SCD5: variants seen among roughly 807,000 people sequenced by gnomAD.
SCD5 encodes acyl-CoA-desaturase 4.
A neutral mutation model predicts 30.4 loss-of-function variants in SCD5; 20 were observed. That is an observed-to-expected ratio of 0.66 (90% confidence interval 0.46 to 0.96). The LOEUF (loss-of-function observed/expected upper bound fraction) is 0.96. Ranked by LOEUF, SCD5 falls within the 40% of genes least tolerant of loss-of-function variation. SCD5 has a pLI of 0.00. For missense variants in SCD5, 381 were observed against 443.3 expected, an observed-to-expected ratio of 0.86 and a Z score of 1.26; for synonymous variants, 173 against 176.4, an observed-to-expected ratio of 0.98 and a Z score of 0.16.
chr4:82,683,851 C>G (rs1198413223), intron 2 of SCD5, among the ~76,000 whole-genome samples: 3 of 152,218 alleles, frequency 2.0e-5, no homozygotes, highest in African/African-American at 7.2e-5. Context: ...TTCTCCTTCA[C>G]CTTCCACCGT....
In SCD5 at chr4:82,631,137, CG is replaced by C; in HGVS notation, c.*189del. The C allele has an allele frequency of 2.1e-6, 1 of 474,716 alleles. No individual in the cohort carries two copies. Among genetic ancestry groups the C allele is most frequent in the Non-Finnish European group, 3.6e-6 (1 of 281,000 alleles). The allele number at this position is 474,716 out of a possible 1,614,324, so 29.4% of individuals were successfully genotyped here. A position where few individuals can be genotyped will look rare whatever the true frequency, so the allele number is the denominator to read the frequency against. On this transcript the variant is annotated 3_prime_UTR_variant, in exon 5 of 5. Transcript: ENST00000319540. ...AAAACAAAACAAACAAAAAAAAAAA[CG>C]AAAGTTTTTTCATTGATAATTGTAT...
At chr4:82,745,321 C>A (rs1030713238) in intron 1 of SCD5, among the ~76,000 whole-genome samples, 7 of 152,194 alleles carry the variant, frequency 4.6e-5, no homozygotes, top group African/African-American at 1.7e-4. Context: ...ACTCAAAAGT[C>A]CACGTAACCA....
intron 1 of SCD5, among the ~76,000 whole-genome samples, chr4:82,738,294 C>G (rs1474498673): frequency 6.6e-6 from 1 of 151,942 alleles, no homozygotes; most frequent in African/African-American, 2.4e-5. Context: ...TGGTGGCGTG[C>G]GTCTGTGGTC....
In SCD5 at chr4:82,719,917, T is replaced by A. The variant is rs1343806531; in HGVS notation, c.233-14504A>T. Among the ~76,000 whole-genome samples the A allele has an allele frequency of 5.3e-5, 8 of 151,676 alleles. 1 individual carries two copies. The highest frequency in any genetic ancestry group is 2.0e-4 in the African/African-American group (8 of 40,992). On this transcript the variant is annotated intron_variant, in intron 1 of 4. Transcript: ENST00000319540. ...CCTGGGTTTAAGCGATTCTCATGCC[T>A]CAGCCTCCTGAGTAGCTAGGATTAC...
At chr4:82,631,553 A>C (rs1727293187) in intron 4 of SCD5, 36 bp from the exon 5 acceptor site, 1 of 1,599,710 alleles carries the variant, frequency 6.3e-7, no homozygotes, top group Non-Finnish European at 8.6e-7. Context: ...TAATTCAATC[A>C]CCACCTCTCT....
chr4:82,693,595 T>A (rs1719614388), intron 2 of SCD5, among the ~76,000 whole-genome samples: 1 of 152,352 alleles, frequency 6.6e-6, no homozygotes, highest in South Asian at 2.1e-4. Flanking sequence ...TAGCACTATA[T>A]TTGGAATGAA....
chr4:82,650,988 A>C (rs904700723), intron 3 of SCD5, among the ~76,000 whole-genome samples: 6 of 152,212 alleles, frequency 3.9e-5, no homozygotes, highest in Non-Finnish European at 8.8e-5. Context: ...AAAAATATTT[A>C]GTGTGAAGAA....
chr4:82,703,537 G>T (rs1159367704), intron 2 of SCD5, among the ~76,000 whole-genome samples: 1 of 152,134 alleles, frequency 6.6e-6, no homozygotes, highest in African/African-American at 2.4e-5. Context: ...GCAGAGCAAA[G>T]AATTTATTCT....
intron 3 of SCD5, among the ~76,000 whole-genome samples, chr4:82,673,820 A>G (rs1728380240): frequency 6.6e-6 from 1 of 152,200 alleles, no homozygotes; most frequent in African/African-American, 2.4e-5. Context: ...TGATCAATGA[A>G]TCATAACAGA....
chr4:82,790,168 T>A (rs187024728), intron 1 of SCD5, among the ~76,000 whole-genome samples: 1 of 152,164 alleles, frequency 6.6e-6, no homozygotes, highest in Non-Finnish European at 1.5e-5. Context: ...ACTTCACACA[T>A]CCCACCGACA....
At chr4:82,741,795 C>T (rs571230839) in intron 1 of SCD5, among the ~76,000 whole-genome samples, 279 of 145,378 alleles carry the variant, frequency 1.9e-3, no homozygotes, top group African/African-American at 6.8e-3. Context: ...TGAGACCTGG[C>T]TCCGTCACTC....
intron 1 of SCD5, among the ~76,000 whole-genome samples, chr4:82,766,341 T>G (rs1054589388): frequency 6.6e-6 from 1 of 152,252 alleles, no homozygotes; most frequent in African/African-American, 2.4e-5. Context: ...GTTTTCAAAT[T>G]CACTAATTTA....
At chr4:82,724,988 T>G (rs149746979) in intron 1 of SCD5, among the ~76,000 whole-genome samples, 118 of 152,314 alleles carry the variant, frequency 7.7e-4, no homozygotes, top group African/African-American at 2.7e-3. Context: ...ATGGTAGACA[T>G]ATGTTGATTA....
intron 1 of SCD5, among the ~76,000 whole-genome samples, chr4:82,721,333 G>A (rs1026996178): frequency 1.3e-5 from 2 of 152,134 alleles, no homozygotes; most frequent in African/African-American, 4.8e-5. Flanking sequence ...TCTAAGCACA[G>A]TACTAGATAT....
chr4:82,639,168 C>A (rs1234344907), intron 3 of SCD5, among the ~76,000 whole-genome samples: 2 of 152,182 alleles, frequency 1.3e-5, no homozygotes, highest in Admixed American at 6.5e-5. Context: ...CATCAGCACC[C>A]ATTTTCTAGT....
rs1479937084 is a variant in SCD5, at chr4:82,629,610, C to A, written c.*1717G>T. The A allele has an allele frequency of 6.6e-6, 1 of 152,246 alleles. No homozygotes were observed. Among genetic ancestry groups the A allele is most frequent in the Non-Finnish European group, 1.5e-5 (1 of 68,044 alleles). The allele number at this position is 152,246 out of a possible 1,614,324, so 9.4% of individuals were successfully genotyped here. A position where few individuals can be genotyped will look rare whatever the true frequency, so the allele number is the denominator to read the frequency against. ...CCAGTGGCAAAATAACACTGTTAAA[C>A]ACCTACTGGATGAAGAACTTCATTG... On this transcript the variant is annotated 3_prime_UTR_variant, in exon 5 of 5. Coordinates refer to ENST00000319540, the MANE Select transcript of SCD5 (RefSeq NM_001037582.3).
chr4:82,661,954 C>T (rs1218591457), intron 3 of SCD5, among the ~76,000 whole-genome samples: 6 of 152,236 alleles, frequency 3.9e-5, no homozygotes, highest in East Asian at 1.9e-4. Context: ...GACGTGGGGA[C>T]GTTTCCACTG....
At chr4:82,724,982 T>C (rs9997180) in intron 1 of SCD5, among the ~76,000 whole-genome samples, 34,014 of 152,160 alleles carry the variant, frequency 0.22, 4,415 homozygotes, top group Middle Eastern at 0.35. Context: ...AAGAAAATGG[T>C]AGACATATGT....
intron 3 of SCD5, among the ~76,000 whole-genome samples, chr4:82,665,286 T>C (rs1357671179): frequency 1.6e-5 from 2 of 127,758 alleles, no homozygotes; most frequent in Non-Finnish European, 3.4e-5. Flanking sequence ...GTTAAAAAAA[T>C]TAAATATAAT....
Sources: gnomAD v4.1 joint callset for allele counts (sites outside exome capture counted in the v4.1 genomes callset) on GRCh38, gnomAD v4.1.1 for gene constraint, MANE v1.5 for transcripts, NCBI Gene and HGNC (gene_info 2026-07-23, HGNC 2026-07-21) for gene names.